The following PLAT variants were observed in gnomAD, a reference collection of about 807,000 sequenced individuals.
PLAT encodes the protein plasminogen activator, tissue type.
A neutral mutation model predicts 74.9 loss-of-function variants in PLAT; 48 were observed. The ratio of observed to expected loss-of-function variants is 0.64; its 90% CI spans 0.51 to 0.82. The LOEUF is 0.82. Ranked by LOEUF, PLAT falls within the 40% of genes least tolerant of loss-of-function variation. The probability of loss-of-function intolerance (pLI) is 0.00; values close to 1 mark genes in which losing one functional copy is unlikely to be tolerated. For missense variants in PLAT, 673 were observed against 736.2 expected (o/e 0.91, Z 0.99); for synonymous variants, 307 against 294.4 (o/e 1.04, Z -0.44).
intron 3 of PLAT, among the ~76,000 whole-genome samples, chr8:42,190,480 A>C (rs1185650040): frequency 6.6e-6 from 1 of 152,216 alleles, no homozygotes; most frequent in Non-Finnish European, 1.5e-5. Context: ...AACTTAAAAA[A>C]CAACAACTTT....
chr8:42,180,463 A>G (rs1168473725), intron 10 of PLAT, 27 bp downstream of exon 10: 4 of 1,613,748 alleles, frequency 2.5e-6, no homozygotes, highest in Non-Finnish European at 3.4e-6. Flanking sequence ...GAGGGTGGAA[A>G]AACCAACTGG....
chr8:42,180,741 A>G (rs1248833871), intron 9 of PLAT, 56 bp from the exon 10 acceptor site: 3 of 1,319,626 alleles, frequency 2.3e-6, no homozygotes, highest in African/African-American at 2.9e-5. Flanking sequence ...GCACGTGTGT[A>G]GGTAGAGTGA....
intron 1 of PLAT, among the ~76,000 whole-genome samples, chr8:42,194,241 A>AGAGTGTGTGTGT (rs1419569830): frequency 1.9e-5 from 1 of 52,544 alleles, no homozygotes; most frequent in Non-Finnish European, 3.8e-5. Flanking sequence ...AGAGAGAGAG[A>AGAGTGTGTGTGT]GTGTGTGTGT....
At chr8:42,187,252 CATCTATT>C (rs1407771229) in intron 6 of PLAT, 139 bp downstream of exon 6, 6 of 584,894 alleles carry the variant, frequency 1.0e-5, no homozygotes, top group Non-Finnish European at 1.7e-5. Context: ...TATCACCTAT[CATCTATT>C]ATCTGTCTAT....
intron 1 of PLAT, chr8:42,193,516 CT>C (rs1214837994): frequency 2.6e-5 from 7 of 266,342 alleles, no homozygotes; most frequent in African/African-American, 1.5e-4. Flanking sequence ...TCCATCACCC[CT>C]AACTGAAACT....
rs764316813 is a variant in PLAT at position 42,191,368 on chromosome 8, C to A, written c.115+4G>T. On this transcript the variant is annotated splice_donor_region_variant and intron_variant, in intron 3 of 13. Transcript: ENST00000220809. ...ACCCCATGCACCCCTCAGCTTCACC[C>A]GACCTTGGTAAGATCTGGCTCCTCT... 8 of 1,613,904 alleles carry A rather than the reference C, an allele frequency of 5.0e-6. No individual in the cohort carries two copies. The highest frequency in any genetic ancestry group is 1.7e-5 in the Admixed American group (1 of 60,030).
At chr8:42,184,371 T>G (rs1351978865) in intron 7 of PLAT, among the ~76,000 whole-genome samples, 1 of 151,814 alleles carries the variant, frequency 6.6e-6, no homozygotes, top group Non-Finnish European at 1.5e-5. Flanking sequence ...ATTTTTTTCT[T>G]TTTTTTGAAA....
At chr8:42,197,989 A>G (rs538710923) in intron 1 of PLAT, among the ~76,000 whole-genome samples, 1 of 152,294 alleles carries the variant, frequency 6.6e-6, no homozygotes, top group African/African-American at 2.4e-5. Flanking sequence ...CATGCAGTAT[A>G]AACTGGGAAA....
chr8:42,206,110 C>A (rs939274842), intron 1 of PLAT, among the ~76,000 whole-genome samples: 1 of 152,178 alleles, frequency 6.6e-6, no homozygotes, highest in Non-Finnish European at 1.5e-5. Flanking sequence ...GAATCCGACG[C>A]GAGTCATTGT....
chr8:42,177,651 A>AT (rs1447486571), intron 13 of PLAT, among the ~76,000 whole-genome samples: 1 of 152,320 alleles, frequency 6.6e-6, no homozygotes, highest in African/African-American at 2.4e-5. Context: ...ACTCTTGGTA[A>AT]TTGTTAGCTG....
chr8:42,178,489 C>G (rs924324401), intron 13 of PLAT, among the ~76,000 whole-genome samples: 1 of 152,118 alleles, frequency 6.6e-6, no homozygotes, highest in Non-Finnish European at 1.5e-5. Flanking sequence ...AGGCTGGTCT[C>G]GAACTCCTGA....
intron 1 of PLAT, among the ~76,000 whole-genome samples, chr8:42,204,315 A>G (rs945981737): frequency 2.2e-4 from 33 of 152,184 alleles, no homozygotes; most frequent in African/African-American, 6.5e-4. Context: ...AATGGCCCCA[A>G]GAAGGAATGA....
chr8:42,200,674 C>CAAAAA (rs10667666), intron 1 of PLAT, among the ~76,000 whole-genome samples: 2 of 103,120 alleles, frequency 1.9e-5, no homozygotes, highest in Admixed American at 1.1e-4. Flanking sequence ...GATCCTGTCT[C>CAAAAA]AAAAAAAAAA....
At position 42,174,888 on chromosome 8, in the gene PLAT, C is replaced by T. The variant is rs1282695662; in HGVS notation, c.*1105G>A. On this transcript the variant is annotated 3_prime_UTR_variant, in exon 14 of 14. Transcript: ENST00000220809. ...CATACCTCCATGGAGAGTGCCTTTTCCACACCTGTCCACAGTCCACGTCTC... is the reference window on the plus strand; with the variant it reads ...CATACCTCCATGGAGAGTGCCTTTTTCACACCTGTCCACAGTCCACGTCTC... 6.6e-6 allele frequency among the ~76,000 whole-genome samples: 1 copy of T among 152,156 alleles called. No homozygotes were observed. The highest frequency in any genetic ancestry group is 1.5e-5 in the Non-Finnish European group (1 of 68,018).
In PLAT at chr8:42,179,043, G is replaced by A. The variant is rs545287158; in HGVS notation, c.1384C>T (p.Arg462Trp). ...AGTCTGACATGAGCCTCCTTCAGCC[G>A]CTCCGAATAGAAAGGAGACACTGAA... ...HEALSPFYSE[R>W]LKEAHVRLYP... is the part of the protein sequence containing the mutation. Residue 462 changes from arginine (R) to tryptophan (W), a missense_variant, in exon 13 of 14, where the codon CGG becomes TGG. Coordinates refer to ENST00000220809, the MANE Select transcript of PLAT (RefSeq NM_000930.5). 68 of 1,610,962 alleles carry A rather than the reference G, an allele frequency of 4.2e-5. No homozygotes were observed. Among genetic ancestry groups the A allele is most frequent in the South Asian group, 1.6e-4 (15 of 90,954 alleles).
At position 42,180,673 on chromosome 8, in the gene PLAT, A is replaced by G. The variant is rs377575969; in HGVS notation, c.902T>C (p.Leu301Pro). 1.7e-5 allele frequency: 27 copies of G among 1,571,742 alleles called. 1 individual carries two copies. In the African/African-American group the frequency reaches 3.2e-4, roughly 19 times the overall value. Residue 301 changes from leucine to proline, a missense_variant, in exon 10 of 14, where the codon CTG becomes CCG. Coordinates refer to ENST00000220809, the MANE Select transcript of PLAT (RefSeq NM_000930.5). ...CDVPSCSTCG[L>P]RQYSQPQFRI... is the part of the protein sequence containing the mutation. ...AAACTGAGGCTGGCTGTACTGTCTC[A>G]GGCCGCAGGTGGCTGGGGAGGAAAG... is the stretch of plus-strand genomic sequence containing the variant.
intron 2 of PLAT, 126 bp downstream of exon 2, chr8:42,192,988 C>T (rs1455919067): frequency 2.2e-5 from 15 of 671,774 alleles, no homozygotes; most frequent in South Asian, 1.8e-4. Context: ...GCCAGCCCCT[C>T]GTCCCTGTGC....
At chr8:42,196,731 G>A (rs1288800791) in intron 1 of PLAT, among the ~76,000 whole-genome samples, 7 of 151,984 alleles carry the variant, frequency 4.6e-5, no homozygotes, top group Non-Finnish European at 1.0e-4. Flanking sequence ...TGACATTGGC[G>A]GAAGGGATGG....
rs962301004 is a variant in PLAT at position 42,193,148 on chromosome 8, A to G, written c.38T>C (p.Leu13Pro). 3 of 1,613,794 alleles carry G rather than the reference A, an allele frequency of 1.9e-6. No homozygotes were observed. In the African/African-American group the frequency reaches 4.0e-5, roughly 22 times the overall value. ...CGAAACGAAGACTGCTCCACACAGC[A>G]GCAGCACACAGCAGAGCCCTCTCTT... is the stretch of plus-strand genomic sequence containing the variant. ...AMKRGLCCVL[L>P]LCGAVFVSPS... The change falls in exon 2 of 14, where the codon CTG (leucine) becomes CCG (proline). Residue 13 changes from leucine to proline, a missense_variant. Physicochemically the swap from Leu to Pro is moderately conservative, Grantham distance 98. Transcript: ENST00000220809.
Sources: gnomAD v4.1 joint callset for allele counts (sites outside exome capture counted in the v4.1 genomes callset) on GRCh38, gnomAD v4.1.1 for gene constraint, MANE v1.5 for transcripts, NCBI Gene and HGNC (gene_info 2026-07-23, HGNC 2026-07-21) for gene names.